MIS18A: variants seen among roughly 807,000 people sequenced by gnomAD.
MIS18A encodes MIS18 kinetochore protein A.
In MIS18A, 14 loss-of-function variants were observed where a neutral mutation model predicts 25.0. That is an observed-to-expected ratio of 0.56 (90% confidence interval 0.37 to 0.88). The LOEUF (loss-of-function observed/expected upper bound fraction) is 0.88, where lower values mean the gene tolerates loss of function less well. Ranked by LOEUF, MIS18A falls within the 40% of genes least tolerant of loss-of-function variation. The pLI is 0.00. For synonymous variants in MIS18A, 134 were observed against 118.6 expected, an observed-to-expected ratio of 1.13 and a Z score of -0.84; for missense variants, 292 against 290.8, an observed-to-expected ratio of 1.00 and a Z score of -0.03.
At chr21:32,196,642 T>C in the MIS18A span, among the ~76,000 whole-genome samples, 3 of 152,034 alleles carry the variant, frequency 2.0e-5, no homozygotes, top group Non-Finnish European at 4.4e-5. Flanking sequence ...TTTGTAGAGA[T>C]GGGGTTTTGC....
At chr21:32,220,792 T>C in the MIS18A span, among the ~76,000 whole-genome samples, 4 of 151,784 alleles carry the variant, frequency 2.6e-5, no homozygotes, top group African/African-American at 9.7e-5. Context: ...ATAAATGACA[T>C]GATGGAGCTG....
chr21:32,269,617 T>C (rs2031675143), intron 4 of MIS18A, 90 bp downstream of exon 4: 1 of 750,118 alleles, frequency 1.3e-6, no homozygotes, highest in Non-Finnish European at 2.2e-6. Flanking sequence ...TCAACACAGA[T>C]GACGTTATGA....
the MIS18A span, among the ~76,000 whole-genome samples, chr21:32,216,217 C>T: frequency 6.6e-6 from 1 of 152,108 alleles, no homozygotes; most frequent in Non-Finnish European, 1.5e-5. Flanking sequence ...TTTGCCTATT[C>T]CCATCCCTTA....
At chr21:32,244,215 T>C in the MIS18A span, among the ~76,000 whole-genome samples, 9 of 151,948 alleles carry the variant, frequency 5.9e-5, no homozygotes, top group African/African-American at 9.6e-5. Flanking sequence ...GGAAAAACCA[T>C]AGCGACAGAA....
chr21:32,180,197 C>T, the MIS18A span, among the ~76,000 whole-genome samples: 38 of 152,334 alleles, frequency 2.5e-4, no homozygotes, highest in African/African-American at 7.7e-4. Context: ...GCCAGTTCTT[C>T]GCTTTCAGAC....
At chr21:32,194,303 G>T in the MIS18A span, among the ~76,000 whole-genome samples, 1 of 151,396 alleles carries the variant, frequency 6.6e-6, no homozygotes, top group Admixed American at 6.6e-5. Flanking sequence ...TCAATAATTG[G>T]ATAAAAAATA....
the MIS18A span, among the ~76,000 whole-genome samples, chr21:32,194,336 T>C: frequency 0.12 from 14,411 of 122,820 alleles, 757 homozygotes; most frequent in Middle Eastern, 0.19. Context: ...ATATTCCATA[T>C]GTATGATATA....
chr21:32,192,057 G>A, the MIS18A span, among the ~76,000 whole-genome samples: 1 of 152,190 alleles, frequency 6.6e-6, no homozygotes, highest in Admixed American at 6.5e-5. Flanking sequence ...CCATTGGAAG[G>A]AAGGGAAGAT....
At chr21:32,222,736 C>T in the MIS18A span, among the ~76,000 whole-genome samples, 18 of 95,216 alleles carry the variant, frequency 1.9e-4, no homozygotes, top group African/African-American at 7.5e-4. Flanking sequence ...TCAAGACCAT[C>T]CTGGCTAACA....
chr21:32,225,846 C>CATT, the MIS18A span, among the ~76,000 whole-genome samples: 1 of 14,706 alleles, frequency 6.8e-5, no homozygotes, highest in East Asian at 1.0e-3. Context: ...TTTATTGTGG[C>CATT]ATTATTCACA....
At chr21:32,268,099 G>A (rs2031637620), downstream of MIS18A, 1 of 152,288 alleles carries the variant, frequency 6.6e-6, no homozygotes, top group Non-Finnish European at 1.5e-5. Context: ...GGGGAAATTT[G>A]GGGTTACCTT....
the MIS18A span, among the ~76,000 whole-genome samples, chr21:32,251,750 C>T: frequency 6.6e-6 from 1 of 152,222 alleles, no homozygotes; most frequent in Non-Finnish European, 1.5e-5. Flanking sequence ...TTACTCCAAA[C>T]TAATGTCTTT....
At position 32,276,316 on chromosome 21, in the gene MIS18A, C is replaced by T. The variant is rs146072782; in HGVS notation, c.335-1420G>A. 2.1e-3 allele frequency among the ~76,000 whole-genome samples: 324 copies of T among 151,836 alleles called. 2 individuals carry two copies. Among genetic ancestry groups the T allele is most frequent in the Admixed American group, 4.1e-3 (63 of 15,244 alleles). ...TCTACTAAAGATACAAAAAAATTAGCGGGGTGTGGTGGCGGGAGCCTGCAG... is the reference window on the plus strand; with the variant it reads ...TCTACTAAAGATACAAAAAAATTAGTGGGGTGTGGTGGCGGGAGCCTGCAG... On this transcript the variant is annotated intron_variant, in intron 1 of 4. Coordinates refer to ENST00000290130, the MANE Select transcript of MIS18A (RefSeq NM_018944.3).
the MIS18A span, among the ~76,000 whole-genome samples, chr21:32,245,195 C>A: frequency 6.6e-6 from 1 of 152,202 alleles, no homozygotes; most frequent in African/African-American, 2.4e-5. Context: ...TTATGGTAGG[C>A]AGGACCCTAC....
chr21:32,223,847 A>C, the MIS18A span, among the ~76,000 whole-genome samples: 1 of 152,240 alleles, frequency 6.6e-6, no homozygotes, highest in Middle Eastern at 3.2e-3. Context: ...TCAGGCCAAT[A>C]TCCCTGATGA....
chr21:32,243,796 T>C, the MIS18A span, among the ~76,000 whole-genome samples: 1 of 152,032 alleles, frequency 6.6e-6, no homozygotes, highest in Non-Finnish European at 1.5e-5. Context: ...GGCAGGCAGA[T>C]TACCTGAGGT....
Position 32,268,381 on chromosome 21 carries a change from T to C in MIS18A, c.*656A>G, listed in dbSNP as rs1307898654. 2.0e-5 allele frequency: 3 copies of C among 152,192 alleles called. No individual in the cohort carries two copies. The East Asian group carries it at 5.8e-4, about 29-fold the overall frequency. The allele number at this position is 152,192 out of a possible 1,614,324, so 9.4% of individuals were successfully genotyped here. On this transcript the variant is annotated 3_prime_UTR_variant, in exon 5 of 5. Coordinates refer to ENST00000290130, the MANE Select transcript of MIS18A (RefSeq NM_018944.3). ...AGTATTCCTCCAGGTTTTTTAAGCA[T>C]ATAGTAGTACATAAGCAGGAAAAAG...
the MIS18A span, among the ~76,000 whole-genome samples, chr21:32,226,627 G>T: frequency 3.3e-5 from 5 of 152,056 alleles, no homozygotes; most frequent in African/African-American, 1.2e-4. Context: ...AGATATGAAA[G>T]AATAAATAGA....
chr21:32,217,973 C>T, the MIS18A span, among the ~76,000 whole-genome samples: 1 of 151,738 alleles, frequency 6.6e-6, no homozygotes, highest in Non-Finnish European at 1.5e-5. Context: ...GCGGGCGGAT[C>T]ACAAGGTCAG....
Sources: gnomAD v4.1 joint callset for allele counts (sites outside exome capture counted in the v4.1 genomes callset) on GRCh38, gnomAD v4.1.1 for gene constraint, MANE v1.5 for transcripts, NCBI Gene and HGNC (gene_info 2026-07-23, HGNC 2026-07-21) for gene names.